Variants in HYDIN observed in about 807,000 individuals in gnomAD.
HYDIN encodes axonemal central pair apparatus protein HYDIN.
HYDIN carries 132 observed loss-of-function variants against 403.9 expected under a neutral mutation model. The ratio of observed to expected loss-of-function variants is 0.33; its 90% CI spans 0.28 to 0.38. The LOEUF (loss-of-function observed/expected upper bound fraction) is 0.38, where lower values mean the gene tolerates loss of function less well. HYDIN is among the 10% of genes least tolerant of loss of function. HYDIN has a pLI of 1.00. For missense variants in HYDIN, 2,827 were observed against 5,009.5 expected (o/e 0.56, Z 13.15); for synonymous variants, 1,202 against 1,891.7 (o/e 0.64, Z 9.46).
intron 10 of HYDIN, among the ~76,000 whole-genome samples, chr16:71,097,577 G>A (rs1200111643): frequency 1.4e-5 from 2 of 147,388 alleles, no homozygotes; most frequent in Non-Finnish European, 3.0e-5. Context: ...ATTTGACATT[G>A]TGACAGCTAT....
chr16:71,041,804 CAT>C (rs1479377197), intron 18 of HYDIN, among the ~76,000 whole-genome samples: 1 of 151,336 alleles, frequency 6.6e-6, no homozygotes, highest in Non-Finnish European at 1.5e-5. Flanking sequence ...AGGAGACACA[CAT>C]ATATATTTAT....
intron 57 of HYDIN, among the ~76,000 whole-genome samples, chr16:70,891,412 C>T (rs2041460720): frequency 6.6e-6 from 1 of 152,224 alleles, no homozygotes; most frequent in African/African-American, 2.4e-5. Context: ...TGGTCTCGAC[C>T]TCCTGATCTC....
intron 36 of HYDIN, 24 bp downstream of exon 36, chr16:70,970,496 C>T: frequency 6.2e-7 from 1 of 1,603,632 alleles, no homozygotes; most frequent in Non-Finnish European, 8.5e-7. Context: ...TGTAGAAAAA[C>T]AGTTTGGTTT....
chr16:70,979,997 G>A (rs1219809440), intron 29 of HYDIN, among the ~76,000 whole-genome samples: 1 of 151,784 alleles, frequency 6.6e-6, no homozygotes, highest in Non-Finnish European at 1.5e-5. Context: ...TAGTGAACTG[G>A]AGAACAGAAG....
At chr16:71,186,323 A>C (rs2087148113) in intron 2 of HYDIN, among the ~76,000 whole-genome samples, 2 of 152,138 alleles carry the variant, frequency 1.3e-5, no homozygotes, top group South Asian at 4.1e-4. Flanking sequence ...ATTTTTCTTA[A>C]ATACCACTTA....
intron 1 of HYDIN, among the ~76,000 whole-genome samples, chr16:71,191,736 C>A (rs745633879): frequency 6.6e-6 from 1 of 152,120 alleles, no homozygotes; most frequent in Non-Finnish European, 1.5e-5. Flanking sequence ...CCACTCAGAT[C>A]TCTTCTGATT....
At chr16:71,052,198 AC>A (rs1213361821) in intron 18 of HYDIN, among the ~76,000 whole-genome samples, 1 of 152,228 alleles carries the variant, frequency 6.6e-6, no homozygotes, top group Non-Finnish European at 1.5e-5. Flanking sequence ...GTAAAATAAT[AC>A]ATACAAAAGG....
intron 52 of HYDIN, among the ~76,000 whole-genome samples, chr16:70,902,821 A>ATATATTTTTTTTTTTTTTTTTTTTTTTT: frequency 4.2e-5 from 2 of 47,310 alleles, no homozygotes; most frequent in East Asian, 5.5e-4. Flanking sequence ...ATATATATAT[A>ATATATTTTTTTTTTTTTTTTTTTTTTTT]TTTTTTTTTT....
intron 1 of HYDIN, among the ~76,000 whole-genome samples, chr16:71,200,980 C>G (rs183449609): frequency 6.6e-6 from 1 of 152,146 alleles, no homozygotes; most frequent in Non-Finnish European, 1.5e-5. Flanking sequence ...GGGTAAAATG[C>G]CTGGAACTTT....
chr16:71,220,050 C>A lies in HYDIN; in HGVS notation c.-24+10512G>T, dbSNP rs115484335. On this transcript the variant is annotated intron_variant, in intron 1 of 85. Coordinates refer to ENST00000393567, the MANE Select transcript of HYDIN (RefSeq NM_001270974.2). ...TTGTGGTCCAGGTCCTACTGGAAAT[C>A]TGATGATGGCTATGAACACTATCCC... 1.5e-3 allele frequency among the ~76,000 whole-genome samples: 232 copies of A among 152,246 alleles called. 1 individual carries two copies. Among genetic ancestry groups the A allele is most frequent in the African/African-American group, 5.4e-3 (226 of 41,542 alleles).
At chr16:70,933,339 T>C (rs1398620000) in intron 45 of HYDIN, among the ~76,000 whole-genome samples, 2 of 149,304 alleles carry the variant, frequency 1.3e-5, no homozygotes, top group Non-Finnish European at 3.0e-5. Flanking sequence ...TGGGGAGGAA[T>C]ATAGGGCCAG....
chr16:71,210,628 A>G (rs983532534), intron 1 of HYDIN, among the ~76,000 whole-genome samples: 1 of 152,196 alleles, frequency 6.6e-6, no homozygotes, highest in Non-Finnish European at 1.5e-5. Context: ...TTATATAACA[A>G]GCCACACATG....
chr16:70,899,542 C>T lies in HYDIN; in HGVS notation c.9048+1462G>A, dbSNP rs1176445249. On this transcript the variant is annotated intron_variant, in intron 53 of 85. Transcript: ENST00000393567. ...GCCGGCACCTTGATTTTGGACATCTCGCCTCCAGAACGGTGAGAGAGGAAT... is the reference window on the plus strand; with the variant it reads ...GCCGGCACCTTGATTTTGGACATCTTGCCTCCAGAACGGTGAGAGAGGAAT... Among the ~76,000 whole-genome samples, 7 of 151,514 alleles carry T rather than the reference C, an allele frequency of 4.6e-5. No homozygotes were observed. In the East Asian group the frequency reaches 1.2e-3, roughly 25 times the overall value.
chr16:71,028,323 T>C (rs2080785676), intron 19 of HYDIN, among the ~76,000 whole-genome samples: 2 of 152,086 alleles, frequency 1.3e-5, no homozygotes, highest in Non-Finnish European at 2.9e-5. Context: ...ATGCATATTC[T>C]CTAAGCTTTA....
intron 1 of HYDIN, among the ~76,000 whole-genome samples, 159 bp downstream of exon 1, chr16:71,230,403 G>A (rs1251627367): frequency 6.6e-6 from 1 of 152,168 alleles, no homozygotes; most frequent in Non-Finnish European, 1.5e-5. Context: ...TTTCATGGGA[G>A]TGAGAAGTGG....
chr16:70,859,391 G>A (rs114072407), intron 71 of HYDIN, among the ~76,000 whole-genome samples: 7,762 of 152,234 alleles, frequency 0.051, 676 homozygotes, highest in African/African-American at 0.18. Flanking sequence ...TCTGCAAAGC[G>A]GTCATCTACC....
chr16:70,849,904 T>C lies in HYDIN; in HGVS notation c.12695A>G (p.Asn4232Ser), dbSNP rs1597117340. 2.9e-6 allele frequency: 2 copies of C among 686,284 alleles called. No homozygotes were observed. Among genetic ancestry groups the C allele is most frequent in the Non-Finnish European group, 5.1e-6 (2 of 392,462 alleles). 42.5% of individuals were successfully genotyped at this position (686,284 alleles called of 1,614,324 possible). Reference sequence around the variant, plus strand: ...GAAGCTGAAGGTGAACTTTCCAGTGTTGATAAAGTTGAATTCACACTGGAC... The same window carrying C: ...GAAGCTGAAGGTGAACTTTCCAGTGCTGATAAAGTTGAATTCACACTGGAC... ...ECVQCEFNFI[N>S]TGKFTFSFQA... Residue 4232 changes from asparagine (N) to serine (S), a missense_variant, in exon 75 of 86, where the codon AAC (asparagine) becomes AGC (serine). Asn to Ser is a conservative substitution (Grantham distance 46). Transcript: ENST00000393567.
intron 1 of HYDIN, 102 bp from the exon 2 acceptor site, chr16:71,187,020 T>C: frequency 2.9e-6 from 2 of 688,304 alleles, no homozygotes; most frequent in Non-Finnish European, 2.4e-6. Flanking sequence ...GTTTAGAAAA[T>C]ACTGATCTTC....
At chr16:71,077,515 T>G (rs2082655205) in intron 13 of HYDIN, among the ~76,000 whole-genome samples, 1 of 152,190 alleles carries the variant, frequency 6.6e-6, no homozygotes, top group Non-Finnish European at 1.5e-5. Context: ...CCACAGTTTT[T>G]CTAGGTAGAG....
Sources: gnomAD v4.1 joint callset for allele counts (sites outside exome capture counted in the v4.1 genomes callset) on GRCh38, gnomAD v4.1.1 for gene constraint, MANE v1.5 for transcripts, NCBI Gene and HGNC (gene_info 2026-07-23, HGNC 2026-07-21) for gene names.